The following NKAIN2 variants were observed in gnomAD, a reference collection of about 807,000 sequenced individuals.
NKAIN2 encodes sodium/potassium transporting ATPase interacting 2, also known as sodium/potassium-transporting ATPase subunit beta-1-interacting protein 2.
In NKAIN2, 14 loss-of-function variants were observed where a neutral mutation model predicts 32.6. The observed-to-expected ratio is 0.43, with a 90% CI of 0.28 to 0.67. The LOEUF (loss-of-function observed/expected upper bound fraction) is 0.67, where lower values mean the gene tolerates loss of function less well. Among genes scored for constraint, NKAIN2 ranks in the 30% least tolerant of loss-of-function variants. The pLI, the probability that NKAIN2 is intolerant of heterozygous loss-of-function variation, is 0.17. For missense variants in NKAIN2, 198 were observed against 258.3 expected (o/e 0.77, Z 1.60); for synonymous variants, 80 against 87.2 (o/e 0.92, Z 0.46).
At chr6:124,754,021 A>G (rs1020269846) in intron 4 of NKAIN2, among the ~76,000 whole-genome samples, 3 of 152,122 alleles carry the variant, frequency 2.0e-5, no homozygotes, top group Non-Finnish European at 2.9e-5. Flanking sequence ...TCTTGGCTTT[A>G]ATTTTCATGA....
intron 1 of NKAIN2, among the ~76,000 whole-genome samples, chr6:124,159,497 T>C (rs1334135728): frequency 6.6e-6 from 1 of 152,154 alleles, no homozygotes; most frequent in African/African-American, 2.4e-5. Context: ...CCTTCTTAGA[T>C]GTAAAATTTC....
Position 124,286,642 on chromosome 6 carries a change from T to TTGTGTGTGTGTG in NKAIN2, c.192+3521_192+3532dup, listed in dbSNP as rs56396833. On this transcript the variant is annotated intron_variant, in intron 2 of 6. Transcript: ENST00000368417. ...CCATTTTTGTTTTCTGTTTGGAAAA[T>TTGTGTGTGTGTG]TGTGTGTGTGTGTGTGTGTGTGTGT... Among the ~76,000 whole-genome samples, 160 of 144,580 alleles carry TTGTGTGTGTGTG rather than the reference T, an allele frequency of 1.1e-3. 1 individual carries two copies. The highest frequency in any genetic ancestry group is 3.6e-3 in the African/African-American group (139 of 38,640). The allele number at this position is 144,580 out of a possible 152,430, so 94.9% of individuals were successfully genotyped here. A position where few individuals can be genotyped will look rare whatever the true frequency, so the allele number is the denominator to read the frequency against.
chr6:124,822,614 G>T (rs1207893301), intron 6 of NKAIN2, among the ~76,000 whole-genome samples: 1 of 152,028 alleles, frequency 6.6e-6, no homozygotes, highest in East Asian at 1.9e-4. Flanking sequence ...GACTGTTCTT[G>T]GTTTGTAATT....
intron 1 of NKAIN2, among the ~76,000 whole-genome samples, chr6:124,229,881 C>T (rs1263087975): frequency 6.6e-6 from 1 of 152,052 alleles, no homozygotes; most frequent in African/African-American, 2.4e-5. Context: ...ATGTCTTTAT[C>T]AGCAGCATAA....
intron 4 of NKAIN2, among the ~76,000 whole-genome samples, chr6:124,710,137 G>A (rs540717952): frequency 1.2e-3 from 177 of 151,140 alleles, no homozygotes; most frequent in African/African-American, 3.6e-3. Flanking sequence ...GTAGTTGAGC[G>A]GTTTTGAGTG....
intron 1 of NKAIN2, among the ~76,000 whole-genome samples, chr6:123,982,293 A>G (rs188773809): frequency 6.6e-6 from 1 of 152,348 alleles, no homozygotes; most frequent in Non-Finnish European, 1.5e-5. Flanking sequence ...TGAATACTAT[A>G]ATAGACTTAA....
At chr6:124,184,321 G>T (rs1437442722) in intron 1 of NKAIN2, among the ~76,000 whole-genome samples, 1 of 151,550 alleles carries the variant, frequency 6.6e-6, no homozygotes, top group African/African-American at 2.4e-5. Context: ...AGACCATTTT[G>T]TAACTGTTTC....
intron 3 of NKAIN2, among the ~76,000 whole-genome samples, chr6:124,612,156 G>A (rs1019002606): frequency 6.6e-6 from 1 of 150,992 alleles, no homozygotes; most frequent in Non-Finnish European, 1.5e-5. Flanking sequence ...TATAATATAT[G>A]CTGAGTTTTT....
At chr6:124,622,174 G>A (rs1312437250) in intron 3 of NKAIN2, among the ~76,000 whole-genome samples, 1 of 152,154 alleles carries the variant, frequency 6.6e-6, no homozygotes, top group Non-Finnish European at 1.5e-5. Context: ...ATGGCTCCAA[G>A]AATTCCTTTA....
intron 3 of NKAIN2, among the ~76,000 whole-genome samples, chr6:124,444,456 C>A (rs141983752): frequency 6.6e-6 from 1 of 151,906 alleles, no homozygotes; most frequent in Non-Finnish European, 1.5e-5. Flanking sequence ...ATGGTTGTAC[C>A]GTAATGGTTG....
chr6:124,112,066 T>C (rs1562364669), intron 1 of NKAIN2, among the ~76,000 whole-genome samples: 1 of 152,156 alleles, frequency 6.6e-6, no homozygotes, highest in Non-Finnish European at 1.5e-5. Flanking sequence ...CTTTTAACTT[T>C]TATGCTAGAA....
At chr6:124,193,571 G>A (rs1051617228) in intron 1 of NKAIN2, among the ~76,000 whole-genome samples, 1 of 152,132 alleles carries the variant, frequency 6.6e-6, no homozygotes, top group East Asian at 1.9e-4. Context: ...CAGAAGGGCC[G>A]CAGCTCTTCT....
At chr6:124,745,436 T>G (rs1583781068) in intron 4 of NKAIN2, among the ~76,000 whole-genome samples, 1 of 152,016 alleles carries the variant, frequency 6.6e-6, no homozygotes, top group South Asian at 2.1e-4. Flanking sequence ...ATATTTCCCA[T>G]TAGTGGAAAT....
rs946852427 is a variant in NKAIN2 at position 124,294,633 on chromosome 6, A to C, written c.192+11491A>C. The stretch of plus-strand genomic sequence containing the variant: ...CTTTCCTTGCAAGTATATAAGCAAT[A>C]CTCTGAAGCTGACCCTTCAGAGGTT... On this transcript the variant is annotated intron_variant, in intron 2 of 6. Transcript: ENST00000368417. 1.4e-4 allele frequency among the ~76,000 whole-genome samples: 22 copies of C among 152,168 alleles called. 1 individual carries two copies. The highest frequency in any genetic ancestry group is 5.3e-4 in the African/African-American group (22 of 41,520).
chr6:124,349,109 C>T (rs1415331832), intron 2 of NKAIN2, among the ~76,000 whole-genome samples: 1 of 152,090 alleles, frequency 6.6e-6, no homozygotes, highest in East Asian at 1.9e-4. Flanking sequence ...GGGTTCTTAT[C>T]AGAGGACCAG....
chr6:124,470,577 AAGAAATAGTAAATCAG>A (rs1346220622), intron 3 of NKAIN2, among the ~76,000 whole-genome samples: 2 of 152,152 alleles, frequency 1.3e-5, no homozygotes, highest in African/African-American at 4.8e-5. Flanking sequence ...CACACATACA[AAGAAATAGTAAATCAG>A]AGAAATAGTA....
intron 4 of NKAIN2, among the ~76,000 whole-genome samples, chr6:124,763,187 T>C (rs1396956015): frequency 6.6e-6 from 1 of 152,174 alleles, no homozygotes; most frequent in East Asian, 1.9e-4. Context: ...AACTTTTAGT[T>C]AGACAGAAGG....
At chr6:124,096,377 T>C (rs1011462840) in intron 1 of NKAIN2, among the ~76,000 whole-genome samples, 1 of 152,240 alleles carries the variant, frequency 6.6e-6, no homozygotes. Context: ...AATACTCTGA[T>C]GTTTTAATGA....
chr6:124,186,000 A>G (rs547852959), intron 1 of NKAIN2, among the ~76,000 whole-genome samples: 66 of 151,994 alleles, frequency 4.3e-4, no homozygotes, highest in African/African-American at 1.3e-3. Flanking sequence ...AGCTCGGAAA[A>G]AAGAAAACTG....
Sources: gnomAD v4.1 joint callset for allele counts (sites outside exome capture counted in the v4.1 genomes callset) on GRCh38, gnomAD v4.1.1 for gene constraint, MANE v1.5 for transcripts, NCBI Gene and HGNC (gene_info 2026-07-23, HGNC 2026-07-21) for gene names.